The following CAMSAP1 variants were observed in gnomAD, a reference collection of about 807,000 sequenced individuals.
CAMSAP1 encodes the protein calmodulin regulated spectrin associated protein 1.
A neutral mutation model predicts 143.5 loss-of-function variants in CAMSAP1; 58 were observed. The observed-to-expected ratio is 0.40, with a 90% CI of 0.33 to 0.50. The LOEUF (loss-of-function observed/expected upper bound fraction) is 0.50. Ranked by LOEUF, CAMSAP1 falls within the 20% of genes least tolerant of loss-of-function variation. The pLI, the probability that CAMSAP1 is intolerant of heterozygous loss-of-function variation, is 0.45. For missense variants in CAMSAP1, 1,969 were observed against 2,115.7 expected (o/e 0.93, Z 1.36); for synonymous variants, 945 against 859.3 (o/e 1.10, Z -1.74).
At chr9:135,877,497 A>T (rs1435110030) in intron 3 of CAMSAP1, among the ~76,000 whole-genome samples, 1 of 62,664 alleles carries the variant, frequency 1.6e-5, no homozygotes, top group Non-Finnish European at 3.0e-5. Context: ...GAGCTGTCTT[A>T]AAAAAAAAAA....
rs370570014 is a variant in CAMSAP1 at position 135,890,436 on chromosome 9, CCT to C, written c.161-7360_161-7359del. On this transcript the variant is annotated intron_variant, in intron 1 of 16. Transcript: ENST00000389532. ...CCCTCTTCCTGGACCGCGGTTTCCC[CCT>C]GAGGGCGCCTGGGAGGAGCTGTCCG... Among the ~76,000 whole-genome samples, 1,020 of 152,254 alleles carry C rather than the reference CCT, an allele frequency of 6.7e-3. 6 individuals carry two copies. Among genetic ancestry groups the C allele is most frequent in the African/African-American group, 0.022 (925 of 41,558 alleles).
chr9:135,902,726 CAT>C (rs1399123176), intron 1 of CAMSAP1, among the ~76,000 whole-genome samples: 4 of 152,100 alleles, frequency 2.6e-5, no homozygotes, highest in Admixed American at 6.5e-5. Flanking sequence ...TATTCCATAA[CAT>C]GGTTTCCAAA....
chr9:135,822,159 G>A lies in CAMSAP1; in HGVS notation c.2502C>T (p.Thr834=), dbSNP rs1355358078. The change falls in exon 11 of 17, where the codon ACC becomes ACT. Residue 834 remains threonine, a synonymous_variant. Transcript: ENST00000389532. The surrounding 1 kb of genome is among the most constrained non-coding windows in gnomAD (Gnocchi z 6.1). ...RLNSCETKSS[T]SSSQKTTPDA... ...CTGGCGTGGTCTTCTGGGAGCTGCT[G>A]GTGCTGGACTTGGTCTCACAGCTGT... 2 of 1,613,690 alleles carry A rather than the reference G, an allele frequency of 1.2e-6. No homozygotes were observed. Among genetic ancestry groups the A allele is most frequent in the Non-Finnish European group, 1.7e-6 (2 of 1,179,902 alleles).
In CAMSAP1 at chr9:135,821,302, C is replaced by CT; in HGVS notation, c.3358dup (p.Ser1120LysfsTer2). 6.2e-7 allele frequency: 1 copy of CT among 1,612,500 alleles called. No homozygotes were observed. Among genetic ancestry groups the CT allele is most frequent in the Non-Finnish European group, 8.5e-7 (1 of 1,179,854 alleles). On this transcript the variant is annotated frameshift_variant, in exon 11 of 17. Transcript: ENST00000389532. LOFTEE classifies it high-confidence loss of function. The surrounding 1 kb of genome is among the most constrained non-coding windows in gnomAD (Gnocchi z 4.6). ...CTCTACACTGGGCGTTGGGGTTTTACTTCGGGAGGAGCCCTGTGGCCTGTC... is the reference window on the plus strand; with the variant it reads ...CTCTACACTGGGCGTTGGGGTTTTACTTTCGGGAGGAGCCCTGTGGCCTGTC...
chr9:135,867,473 CCCT>C (rs1402991835), intron 3 of CAMSAP1, among the ~76,000 whole-genome samples: 11 of 144,766 alleles, frequency 7.6e-5, no homozygotes, highest in Non-Finnish European at 1.7e-4. Context: ...AGCAAGACCC[CCCT>C]CTTTTTTTTT....
chr9:135,821,422 G>A lies in CAMSAP1; in HGVS notation c.3239C>T (p.Ser1080Phe). The part of the protein sequence containing the change: ...KAPVHFVEPL[S>F]PTGVAGHRKA... The stretch of plus-strand genomic sequence containing the variant: ...GCGGTGGCCAGCCACGCCCGTGGGA[G>A]AGAGTGGCTCCACGAAGTGGACTGG... The change falls in exon 11 of 17, where the codon TCT becomes TTT. Residue 1080 changes from serine to phenylalanine, a missense_variant. Transcript: ENST00000389532. This position sits in a 1 kb window ranked among gnomAD's most constrained non-coding sequence, Gnocchi z 4.6. The A allele has an allele frequency of 1.2e-6, 2 of 1,614,046 alleles. No individual in the cohort carries two copies. The highest frequency in any genetic ancestry group is 1.1e-5 in the South Asian group (1 of 91,092).
chr9:135,815,187 A>C lies in CAMSAP1; in HGVS notation c.4416T>G (p.Ser1472Arg). The C allele has an allele frequency of 6.2e-7, 1 of 1,613,610 alleles. No individual in the cohort carries two copies. Among genetic ancestry groups the C allele is most frequent in the African/African-American group, 1.3e-5 (1 of 75,032 alleles). ...TGPKLFKEPS[S>R]KSNKPIIHNA... The stretch of plus-strand genomic sequence containing the variant: ...TGTGAATAATCGGCTTGTTTGATTT[A>C]CTACTGGGCTCCTTAAAGAGCTTGG... Residue 1472 changes from serine (S) to arginine (R), a missense_variant, in exon 16 of 17, where the codon AGT becomes AGG. Physicochemically the swap from Ser to Arg is moderately radical, Grantham distance 110 (BLOSUM62 -1). Coordinates refer to ENST00000389532, the MANE Select transcript of CAMSAP1 (RefSeq NM_015447.4).
chr9:135,867,585 A>G (rs1837425794), intron 3 of CAMSAP1, among the ~76,000 whole-genome samples: 1 of 152,144 alleles, frequency 6.6e-6, no homozygotes. Flanking sequence ...CGAAGCCACT[A>G]AAAAAGCACC....
At chr9:135,845,050 G>A (rs527294812) in intron 7 of CAMSAP1, among the ~76,000 whole-genome samples, 3 of 152,144 alleles carry the variant, frequency 2.0e-5, no homozygotes, top group South Asian at 2.1e-4. Flanking sequence ...ACCAAAACCC[G>A]GCAGAGACAC....
intron 7 of CAMSAP1, among the ~76,000 whole-genome samples, chr9:135,839,321 T>C (rs1836256073): frequency 6.6e-6 from 1 of 152,118 alleles, no homozygotes; most frequent in South Asian, 2.1e-4. Context: ...CCGTATTTCC[T>C]CCCAACAATG....
chr9:135,862,212 G>A (rs1017874751), intron 5 of CAMSAP1, among the ~76,000 whole-genome samples: 1 of 112,508 alleles, frequency 8.9e-6, no homozygotes, highest in Non-Finnish European at 1.7e-5. Flanking sequence ...TTAGCCTCCC[G>A]AGTGGCTGGG....
intron 4 of CAMSAP1, among the ~76,000 whole-genome samples, chr9:135,866,118 T>A (rs1837371228): frequency 6.6e-6 from 1 of 152,222 alleles, no homozygotes; most frequent in Non-Finnish European, 1.5e-5. Flanking sequence ...AGGGCATCTT[T>A]AGCAACAGGC....
intron 7 of CAMSAP1, among the ~76,000 whole-genome samples, chr9:135,843,705 A>G (rs1289481814): frequency 1.3e-5 from 2 of 151,732 alleles, no homozygotes; most frequent in Non-Finnish European, 2.9e-5. Context: ...CCCCGTCTCT[A>G]CTAAAAAATA....
In CAMSAP1 at chr9:135,810,766, T is replaced by C. The variant is rs1248248278; in HGVS notation, c.*543A>G. 8 of 153,412 alleles carry C rather than the reference T, an allele frequency of 5.2e-5. No homozygotes were observed. The highest frequency in any genetic ancestry group is 1.9e-4 in the African/African-American group (8 of 41,456). 9.5% of individuals were successfully genotyped at this position (153,412 alleles called of 1,614,324 possible). A position where few individuals can be genotyped will look rare whatever the true frequency, so the allele number is the denominator to read the frequency against. On this transcript the variant is annotated 3_prime_UTR_variant, in exon 17 of 17. Transcript: ENST00000389532. ...CAGTAGACACAACCAATAAATATCATACAATTTCTCAAATGAAAAAGATTT... is the reference window on the plus strand; with the variant it reads ...CAGTAGACACAACCAATAAATATCACACAATTTCTCAAATGAAAAAGATTT...
At chr9:135,898,394 T>C (rs988771718) in intron 1 of CAMSAP1, among the ~76,000 whole-genome samples, 7 of 152,160 alleles carry the variant, frequency 4.6e-5, no homozygotes, top group African/African-American at 1.4e-4. Context: ...CCTGTAATCC[T>C]AGCACTTTGG....
intron 7 of CAMSAP1, among the ~76,000 whole-genome samples, chr9:135,843,898 A>C (rs1043604093): frequency 7.5e-5 from 11 of 147,158 alleles, no homozygotes; most frequent in Non-Finnish European, 1.5e-4. Context: ...AAAAAAAAAG[A>C]AGCGCTAACT....
rs576425293 is a variant in CAMSAP1 at position 135,836,991 on chromosome 9, CA to C, written c.1046-9408del. ...TACCCATTCTACAGACACACATCAT[CA>C]CGCACTTTCTACCTGTTCTAGAGAC... On this transcript the variant is annotated intron_variant, in intron 7 of 16. Transcript: ENST00000389532. The C allele has an allele frequency of 2.2e-4, 207 of 958,062 alleles. No individual in the cohort carries two copies. The African/African-American group carries it at 3.5e-3, about 16-fold the overall frequency. 59.3% of individuals were successfully genotyped at this position (958,062 alleles called of 1,614,324 possible).
chr9:135,822,681 C>T lies in CAMSAP1; in HGVS notation c.1980G>A (p.Met660Ile). The T allele has an allele frequency of 5.0e-6, 8 of 1,601,682 alleles. No homozygotes were observed. Among genetic ancestry groups the T allele is most frequent in the Non-Finnish European group, 6.8e-6 (8 of 1,173,242 alleles). The change falls in exon 11 of 17, where the codon ATG becomes ATA. Residue 660 changes from methionine to isoleucine, a missense_variant. Met to Ile is a conservative substitution (Grantham distance 10). Transcript: ENST00000389532. This position sits in a 1 kb window ranked among gnomAD's most constrained non-coding sequence, Gnocchi z 6.1. Reference sequence around the variant, plus strand: ...GTCCTGTCTCGGTGGGGTCGATGCCCATGGGGAATTCTGAGCATGGAATCG... The same window carrying T: ...GTCCTGTCTCGGTGGGGTCGATGCCTATGGGGAATTCTGAGCATGGAATCG... Reference protein sequence around the residue: ...FTPIPCSEFPMGIDPTETGPL... With the variant: ...FTPIPCSEFPIGIDPTETGPL...
At chr9:135,898,445 A>C (rs1030219647) in intron 1 of CAMSAP1, among the ~76,000 whole-genome samples, 1 of 152,182 alleles carries the variant, frequency 6.6e-6, no homozygotes, top group Admixed American at 6.5e-5. Context: ...AGAAGTTCCA[A>C]ACTAGTCTGG....
Sources: gnomAD v4.1 joint callset for allele counts (sites outside exome capture counted in the v4.1 genomes callset) on GRCh38, gnomAD v4.1.1 for gene constraint, Gnocchi (gnomAD v3.1) non-coding constraint, MANE v1.5 for transcripts, NCBI Gene and HGNC (gene_info 2026-07-23, HGNC 2026-07-21) for gene names.